Variants in UTRN observed in about 807,000 individuals in gnomAD.
UTRN encodes dystrophin-related protein 1.
In UTRN, 283 loss-of-function variants were observed where a neutral mutation model predicts 463.9. That is an observed-to-expected ratio of 0.61 (90% confidence interval 0.55 to 0.67). The LOEUF (loss-of-function observed/expected upper bound fraction) is 0.67. Among genes scored for constraint, UTRN ranks in the 30% least tolerant of loss-of-function variants. The pLI, the probability that UTRN is intolerant of heterozygous loss-of-function variation, is 0.00. For synonymous variants in UTRN, 1,442 were observed against 1,431.5 expected (o/e 1.01, Z -0.17); for missense variants, 3,922 against 4,084.3 (o/e 0.96, Z 1.08).
At chr6:144,561,664 C>T (rs1799936577) in intron 50 of UTRN, among the ~76,000 whole-genome samples, 1 of 152,088 alleles carries the variant, frequency 6.6e-6, no homozygotes, top group Admixed American at 6.6e-5. Flanking sequence ...AGGCACTTGC[C>T]TTCTGTGCTA....
At chr6:144,511,894 T>G (rs1176192561) in intron 35 of UTRN, among the ~76,000 whole-genome samples, 2 of 152,190 alleles carry the variant, frequency 1.3e-5, no homozygotes, top group African/African-American at 4.8e-5. Flanking sequence ...ATAATTTTTT[T>G]TAATTCTGAA....
Position 144,573,890 on chromosome 6 carries a change from C to T in UTRN, c.7290-3209C>T, listed in dbSNP as rs115054076. 3.8e-3 allele frequency among the ~76,000 whole-genome samples: 581 copies of T among 152,206 alleles called. 1 individual carries two copies. Among genetic ancestry groups the T allele is most frequent in the African/African-American group, 0.014 (563 of 41,522 alleles). Reference sequence around the variant, plus strand: ...CAATTTAAGAATGAAACAAGATCATCATTCAAGGCCTTTTTCCAGGATTCA... The same window carrying T: ...CAATTTAAGAATGAAACAAGATCATTATTCAAGGCCTTTTTCCAGGATTCA... On this transcript the variant is annotated intron_variant, in intron 50 of 74. Coordinates refer to ENST00000367545, the MANE Select transcript of UTRN (RefSeq NM_007124.3).
At chr6:144,412,199 T>C (rs1304861752) in intron 3 of UTRN, among the ~76,000 whole-genome samples, 1 of 152,214 alleles carries the variant, frequency 6.6e-6, no homozygotes, top group Non-Finnish European at 1.5e-5. Context: ...TTTTAAAACA[T>C]CTATTATTTG....
chr6:144,553,702 G>C (rs930577790), intron 48 of UTRN, among the ~76,000 whole-genome samples: 1 of 152,094 alleles, frequency 6.6e-6, no homozygotes, highest in Non-Finnish European at 1.5e-5. Flanking sequence ...AGATCACGAG[G>C]TCAGGAGTTC....
chr6:144,485,330 G>A, intron 27 of UTRN, 55 bp from the exon 28 acceptor site: 1 of 1,607,818 alleles, frequency 6.2e-7, no homozygotes. Context: ...TGTAGTACTA[G>A]AGATACGATG....
chr6:144,539,189 T>C, intron 44 of UTRN, 105 bp from the exon 45 acceptor site: 12 of 1,271,304 alleles, frequency 9.4e-6, no homozygotes, highest in Non-Finnish European at 1.2e-5. Flanking sequence ...CTTAACAAAT[T>C]AGAAAGTTAC....
rs147576440 is a variant in UTRN at position 144,461,218 on chromosome 6, A to G, written c.2729A>G (p.His910Arg). The G allele has an allele frequency of 2.2e-4, 348 of 1,595,838 alleles. 2 individuals are homozygous for G. The African/African-American group carries it at 4.2e-3, about 19-fold the overall frequency. The part of the protein sequence containing the change: ...LENELKGQPG[H>R]AYLETLKTLK... ...ACAGAACTGAAGGGCCAACCTGGACATGCATATCTGGAAACATTGAAAACA... is the reference window on the plus strand; with the variant it reads ...ACAGAACTGAAGGGCCAACCTGGACGTGCATATCTGGAAACATTGAAAACA... Residue 910 changes from histidine to arginine, a missense_variant, in exon 22 of 75, where the codon CAT (histidine) becomes CGT (arginine). By Grantham distance (29) the His-to-Arg change is conservative (BLOSUM62 0). This residue lies in a region of UTRN where 2,349 missense variants were observed against 2,303.8 expected (regional missense o/e 1.02). Coordinates refer to ENST00000367545, the MANE Select transcript of UTRN (RefSeq NM_007124.3).
Position 144,461,237 on chromosome 6 carries a change from G to A in UTRN, c.2748G>A (p.Leu916=). 1 of 1,607,758 alleles carries A rather than the reference G, an allele frequency of 6.2e-7. No individual in the cohort carries two copies. The highest frequency in any genetic ancestry group is 8.5e-7 in the Non-Finnish European group (1 of 1,176,384). Residue 916 remains leucine, a synonymous_variant, in exon 22 of 75, where the codon TTG becomes TTA. Coordinates refer to ENST00000367545, the MANE Select transcript of UTRN (RefSeq NM_007124.3). ...CTGGACATGCATATCTGGAAACATTGAAAACACTGAAAGATGTGCTAAATG... is the reference window on the plus strand; with the variant it reads ...CTGGACATGCATATCTGGAAACATTAAAAACACTGAAAGATGTGCTAAATG... ...GQPGHAYLET[L]KTLKDVLNDS...
intron 51 of UTRN, among the ~76,000 whole-genome samples, chr6:144,611,184 C>T (rs1392978035): frequency 6.6e-6 from 1 of 152,182 alleles, no homozygotes; most frequent in Non-Finnish European, 1.5e-5. Context: ...ATAATAAAAA[C>T]TCTCAACATA....
intron 2 of UTRN, chr6:144,344,188 C>CATCATCTAA: frequency 1.5e-6 from 2 of 1,302,814 alleles, no homozygotes; most frequent in Non-Finnish European, 2.0e-6. Context: ...TCTTTTTCCT[C>CATCATCTAA]ATCATCTAAG....
At chr6:144,558,386 C>T (rs1013509771) in intron 50 of UTRN, among the ~76,000 whole-genome samples, 8 of 152,090 alleles carry the variant, frequency 5.3e-5, no homozygotes, top group Non-Finnish European at 7.4e-5. Flanking sequence ...TAATATTGGT[C>T]TTTCTAACAT....
At chr6:144,783,846 G>A (rs1776072196) in intron 61 of UTRN, among the ~76,000 whole-genome samples, 1 of 152,148 alleles carries the variant, frequency 6.6e-6, no homozygotes, top group Admixed American at 6.5e-5. Context: ...GAAACCTGCT[G>A]AAGCATGAGT....
chr6:144,820,391 T>C (rs1425023768), intron 65 of UTRN, among the ~76,000 whole-genome samples: 2 of 152,210 alleles, frequency 1.3e-5, no homozygotes, highest in African/African-American at 4.8e-5. Flanking sequence ...ATTTATTGTC[T>C]TACCTTTTTC....
chr6:144,766,695 A>G (rs931365263), intron 58 of UTRN, among the ~76,000 whole-genome samples: 5 of 151,962 alleles, frequency 3.3e-5, no homozygotes, highest in Admixed American at 1.3e-4. Flanking sequence ...GGACACGAGG[A>G]AGTAGATATG....
chr6:144,519,139 A>G (rs1795875564), intron 39 of UTRN, among the ~76,000 whole-genome samples: 1 of 152,186 alleles, frequency 6.6e-6, no homozygotes, highest in South Asian at 2.1e-4. Context: ...TTTTTAAATT[A>G]TGTATGAGCA....
intron 23 of UTRN, among the ~76,000 whole-genome samples, chr6:144,470,102 T>C (rs1790371259): frequency 6.6e-6 from 1 of 152,252 alleles, no homozygotes; most frequent in Admixed American, 6.5e-5. Flanking sequence ...GTCCACTTCC[T>C]TCCACACAAA....
At chr6:144,593,414 A>G (rs1290503813) in intron 51 of UTRN, among the ~76,000 whole-genome samples, 1 of 152,108 alleles carries the variant, frequency 6.6e-6, no homozygotes, top group Non-Finnish European at 1.5e-5. Context: ...TATATGAAAG[A>G]AGGATTGGCC....
At chr6:144,781,451 G>T (rs956337444) in intron 60 of UTRN, among the ~76,000 whole-genome samples, 4 of 152,124 alleles carry the variant, frequency 2.6e-5, no homozygotes, top group African/African-American at 9.7e-5. Flanking sequence ...TGATGTACAT[G>T]ATAAAAGACT....
intron 25 of UTRN, among the ~76,000 whole-genome samples, chr6:144,477,018 A>T (rs1046227075): frequency 2.6e-5 from 4 of 152,208 alleles, no homozygotes; most frequent in African/African-American, 4.8e-5. Context: ...ATGATGGTGC[A>T]GAAAGAGATT....
Sources: allele counts gnomAD v4.1 joint callset (sites outside exome capture counted in the v4.1 genomes callset), GRCh38; gene constraint gnomAD v4.1.1; regional missense constraint gnomAD v4.1.1; transcripts MANE v1.5; gene names NCBI Gene and HGNC (gene_info 2026-07-23, HGNC 2026-07-21).